The following EIF2S3 variants were observed in gnomAD, a reference collection of about 807,000 sequenced individuals.
EIF2S3 encodes eukaryotic translation initiation factor 2 subunit 3.
Under a neutral mutation model 31.7 loss-of-function variants are expected in EIF2S3, and 2 were observed. The ratio of observed to expected loss-of-function variants is 0.06; its 90% CI spans 0.03 to 0.20. The LOEUF is 0.20. EIF2S3 is among the 10% of genes least tolerant of loss of function. EIF2S3 has a pLI of 1.00. For synonymous variants in EIF2S3, 120 were observed against 126.7 expected (o/e 0.95, Z 0.36); for missense variants, 96 against 359.3 (o/e 0.27, Z 5.92).
At chrX:24,057,600 ACAAAT>A in intron 3 of EIF2S3, 28 bp from the exon 4 acceptor site, 2 of 1,209,505 alleles carry the variant, frequency 1.7e-6, no homozygotes. Context: ...TGTGCAGATA[ACAAAT>A]CAAAATCTTT....
chrX:24,063,073 A>T (rs1405221035), intron 6 of EIF2S3, among the ~76,000 whole-genome samples: 1 of 110,927 alleles, frequency 9.0e-6, no homozygotes, highest in Non-Finnish European at 1.9e-5. Flanking sequence ...GAGAAACCCC[A>T]TCTCTACTAA....
At chrX:24,059,665 C>T (rs747250710) in intron 4 of EIF2S3, among the ~76,000 whole-genome samples, 29 of 111,770 alleles carry the variant, frequency 2.6e-4, no homozygotes, top group African/African-American at 8.1e-4. Context: ...TCAGGTGATC[C>T]ACCTGCCTTG....
chrX:24,070,230 TGCCTGTAATCCCA>T (rs1201167538), intron 9 of EIF2S3, among the ~76,000 whole-genome samples: 38 of 104,328 alleles, frequency 3.6e-4, no homozygotes, highest in African/African-American at 2.1e-4. Flanking sequence ...TGGTGGCACA[TGCCTGTAATCCCA>T]GCCTGTAATC....
At chrX:24,067,078 G>A (rs532469994) in intron 8 of EIF2S3, among the ~76,000 whole-genome samples, 1 of 108,152 alleles carries the variant, frequency 9.2e-6, no homozygotes, top group Non-Finnish European at 1.9e-5. Context: ...TTTTTTTTTT[G>A]TTTTGTTTTT....
chrX:24,071,474 G>T, intron 9 of EIF2S3, 84 bp from the exon 10 acceptor site: 1 of 1,019,210 alleles, frequency 9.8e-7, no homozygotes, highest in Non-Finnish European at 1.3e-6. Context: ...ACAGGTGTGA[G>T]CCACTGCACC....
chrX:24,077,645 A>G lies in EIF2S3; in HGVS notation c.*860A>G, dbSNP rs1311915055. Reference sequence around the variant, plus strand: ...GGATTCGAATGAAATTGTCCTTTAGAGCATGATTACTTGTTCCCATGGACA... The same window carrying G: ...GGATTCGAATGAAATTGTCCTTTAGGGCATGATTACTTGTTCCCATGGACA... On this transcript the variant is annotated 3_prime_UTR_variant, in exon 12 of 12. Transcript: ENST00000253039. The G allele has an allele frequency of 9.0e-6, 1 of 111,525 alleles. No homozygotes were observed. Among genetic ancestry groups the G allele is most frequent in the Non-Finnish European group, 1.9e-5 (1 of 53,188 alleles). 9.2% of individuals were successfully genotyped at this position (111,525 alleles called of 1,213,427 possible).
At chrX:24,060,433 T>C in intron 5 of EIF2S3, 1 of 386,983 alleles carries the variant, frequency 2.6e-6, no homozygotes. Context: ...AAGTCAATAG[T>C]TCATTTTTCT....
chrX:24,063,346 C>T (rs1278865752), intron 6 of EIF2S3, among the ~76,000 whole-genome samples: 1 of 112,243 alleles, frequency 8.9e-6, no homozygotes, highest in Non-Finnish European at 1.9e-5. Flanking sequence ...CTCTCTCAGT[C>T]TTGTTTTTCT....
intron 9 of EIF2S3, among the ~76,000 whole-genome samples, chrX:24,068,990 T>A (rs1930620133): frequency 9.0e-6 from 1 of 111,631 alleles, no homozygotes; most frequent in African/African-American, 3.3e-5. Flanking sequence ...AAGAAGAAAA[T>A]GTTTGGTAAA....
rs775443108 is a variant in EIF2S3 at position 24,057,139 on chromosome X, T to C, written c.134-282T>C. 3.6e-5 allele frequency among the ~76,000 whole-genome samples: 4 copies of C among 112,637 alleles called. No homozygotes were observed. The East Asian group carries it at 1.1e-3, about 31-fold the overall frequency. On this transcript the variant is annotated intron_variant, in intron 2 of 11. Transcript: ENST00000253039. ...TCCACCTCCTGGGTTCAAGTGATTC[T>C]TTTGCCTCAGCCTCCCCAGTAGCTG...
chrX:24,058,536 C>CTTTTTTTTTTTTTTTTTT (rs1183377998), intron 4 of EIF2S3, among the ~76,000 whole-genome samples: 2 of 83,036 alleles, frequency 2.4e-5, no homozygotes, highest in Non-Finnish European at 4.4e-5. Context: ...TTTTTTCTTT[C>CTTTTTTTTTTTTTTTTTT]TTTTTTTTTT....
chrX:24,075,067 G>A (rs774679758), intron 11 of EIF2S3, among the ~76,000 whole-genome samples: 9 of 108,890 alleles, frequency 8.3e-5, no homozygotes, highest in African/African-American at 2.7e-4. Flanking sequence ...GTTTCACCAC[G>A]TTGGCCAGCC....
chrX:24,063,183 C>T (rs1930518684), intron 6 of EIF2S3, among the ~76,000 whole-genome samples: 1 of 111,990 alleles, frequency 8.9e-6, no homozygotes, highest in South Asian at 3.6e-4. Flanking sequence ...GCGGAGGTTG[C>T]GGTGAGCCGA....
At chrX:24,070,134 G>A (rs955550379) in intron 9 of EIF2S3, among the ~76,000 whole-genome samples, 2 of 107,583 alleles carry the variant, frequency 1.9e-5, no homozygotes, top group African/African-American at 6.8e-5. Flanking sequence ...TCGGGAGGCC[G>A]AGGTGGACGG....
At position 24,054,984 on chromosome X, in the gene EIF2S3, G is replaced by A. The variant is rs1409805644; in HGVS notation, c.16G>A (p.Ala6Thr). The change falls in exon 1 of 12, where the codon GCT becomes ACT. Residue 6 changes from alanine (A) to threonine (T), a missense_variant. Transcript: ENST00000253039. ...TTTTGGCAACATGGCGGGCGGAGAA[G>A]CTGGAGTGACTCTAGGGCAGCCGCA... The part of the protein sequence containing the change: MAGGE[A>T]GVTLGQPHLS... 6 of 1,209,044 alleles carry A rather than the reference G, an allele frequency of 5.0e-6. No homozygotes were observed. The highest frequency in any genetic ancestry group is 4.5e-6 in the Non-Finnish European group (4 of 895,112).
chrX:24,064,527 A>T (rs73486042), intron 7 of EIF2S3, among the ~76,000 whole-genome samples, 192 bp downstream of exon 7: 1,658 of 112,776 alleles, frequency 0.015, 31 homozygotes, highest in African/African-American at 0.049. Flanking sequence ...TCCTGAACAC[A>T]GTAAGAACTG....
At chrX:24,058,832 G>A (rs1432836656) in intron 4 of EIF2S3, among the ~76,000 whole-genome samples, 2 of 110,183 alleles carry the variant, frequency 1.8e-5, no homozygotes, top group African/African-American at 3.3e-5. Flanking sequence ...CTTGTGATCC[G>A]TCCGCCTCGG....
chrX:24,057,759 C>T lies in EIF2S3; in HGVS notation c.383+5C>T. ...AGGGAACTTCAAATTAGTCAGGTGA[C>T]CTCTCTTTTGCTACAAACACTACAC... On this transcript the variant is annotated splice_donor_5th_base_variant and intron_variant, in intron 4 of 11. Coordinates refer to ENST00000253039, the MANE Select transcript of EIF2S3 (RefSeq NM_001415.4). 4 of 1,201,141 alleles carry T rather than the reference C, an allele frequency of 3.3e-6. No individual in the cohort carries two copies. Among genetic ancestry groups the T allele is most frequent in the Non-Finnish European group, 3.4e-6 (3 of 892,123 alleles).
intron 5 of EIF2S3, among the ~76,000 whole-genome samples, chrX:24,062,010 G>GTGGA (rs1160142653): frequency 9.0e-6 from 1 of 111,532 alleles, no homozygotes; most frequent in Admixed American, 9.6e-5. Context: ...GGGCCAAAAG[G>GTGGA]TGGATACCTG....
Sources: allele counts gnomAD v4.1 joint callset (sites outside exome capture counted in the v4.1 genomes callset), GRCh38; gene constraint gnomAD v4.1.1; transcripts MANE v1.5; gene names NCBI Gene and HGNC (gene_info 2026-07-23, HGNC 2026-07-21).